Variants in EML1 observed in about 807,000 individuals in gnomAD.
EML1 encodes the protein EMAP like 1, also known as echinoderm microtubule-associated protein-like 1.
EML1 carries 27 observed loss-of-function variants against 110.4 expected under a neutral mutation model. The observed-to-expected ratio is 0.24, with a 90% CI of 0.18 to 0.34. The LOEUF is 0.34. Among genes scored for constraint, EML1 ranks in the 10% least tolerant of loss-of-function variants. The probability of loss-of-function intolerance (pLI) is 1.00; values close to 1 mark genes in which losing one functional copy is unlikely to be tolerated. For missense variants in EML1, 741 were observed against 1,030.9 expected, an observed-to-expected ratio of 0.72 and a Z score of 3.85; for synonymous variants, 344 against 385.8, an observed-to-expected ratio of 0.89 and a Z score of 1.27.
At chr14:99,919,350 T>C (rs2060087774) in intron 16 of EML1, among the ~76,000 whole-genome samples, 1 of 151,954 alleles carries the variant, frequency 6.6e-6, no homozygotes, top group African/African-American at 2.4e-5. Context: ...ATCTTAAGTA[T>C]TGGGCTCCAT....
At chr14:99,829,048 G>T (rs561200449) in intron 1 of EML1, among the ~76,000 whole-genome samples, 2 of 152,216 alleles carry the variant, frequency 1.3e-5, no homozygotes, top group African/African-American at 4.8e-5. Context: ...AAAACACAGT[G>T]TATATAGGGT....
At chr14:99,932,360 G>C (rs1470452275) in intron 17 of EML1, among the ~76,000 whole-genome samples, 1 of 152,178 alleles carries the variant, frequency 6.6e-6, no homozygotes, top group African/African-American at 2.4e-5. Context: ...TATGGGGGCC[G>C]GGCGCGGTGG....
At chr14:99,841,431 A>G (rs543307781) in intron 1 of EML1, among the ~76,000 whole-genome samples, 4 of 152,328 alleles carry the variant, frequency 2.6e-5, no homozygotes, top group Admixed American at 2.0e-4. Context: ...TCATCTTCAC[A>G]GGAACGTCAG....
At chr14:99,796,325 C>T (rs866955447) in intron 1 of EML1, among the ~76,000 whole-genome samples, 13 of 151,606 alleles carry the variant, frequency 8.6e-5, no homozygotes, top group African/African-American at 3.2e-4. Context: ...GGTGTCTCTC[C>T]TCATAATTTG....
At chr14:99,898,781 A>G (rs1046417073) in intron 8 of EML1, among the ~76,000 whole-genome samples, 10 of 151,868 alleles carry the variant, frequency 6.6e-5, no homozygotes, top group Non-Finnish European at 1.3e-4. Flanking sequence ...ACTGACTGTG[A>G]CCTTAAAAAT....
intron 17 of EML1, among the ~76,000 whole-genome samples, chr14:99,921,564 T>C (rs915258450): frequency 2.0e-5 from 3 of 152,170 alleles, no homozygotes; most frequent in Non-Finnish European, 2.9e-5. Context: ...AATGGAATAA[T>C]GAACCCCATG....
chr14:99,937,211 G>A (rs1220899154), intron 19 of EML1, among the ~76,000 whole-genome samples: 3 of 152,188 alleles, frequency 2.0e-5, no homozygotes, highest in African/African-American at 2.4e-5. Context: ...GACTGAGCTC[G>A]CTCCAGTGCG....
intron 1 of EML1, among the ~76,000 whole-genome samples, chr14:99,752,247 C>T (rs532415496): frequency 7.2e-5 from 11 of 152,076 alleles, no homozygotes; most frequent in African/African-American, 1.4e-4. Context: ...GGAGGACACT[C>T]GAAATTCCAA....
chr14:99,775,354 A>T (rs2057470507), intron 1 of EML1, among the ~76,000 whole-genome samples: 1 of 152,226 alleles, frequency 6.6e-6, no homozygotes, highest in Non-Finnish European at 1.5e-5. Flanking sequence ...GAGAAAGGGC[A>T]TATGACAGGG....
At chr14:99,769,573 T>G (rs185742028), upstream of EML1, among the ~76,000 whole-genome samples, 1 of 152,240 alleles carries the variant, frequency 6.6e-6, no homozygotes, top group African/African-American at 2.4e-5. Context: ...CAATCTGATA[T>G]CACTTCTTTC....
rs1361737646 is a variant in EML1, at chr14:99,907,534, G to A, written c.1009-104G>A. ...TGGATGAGTATTCTTTAACTACAATGTAGCAGACTCTTTATTAAAAATGAA... is the reference window on the plus strand; with the variant it reads ...TGGATGAGTATTCTTTAACTACAATATAGCAGACTCTTTATTAAAAATGAA... On this transcript the variant is annotated intron_variant, in intron 9 of 21. Transcript: ENST00000262233. 3.3e-5 allele frequency: 32 copies of A among 974,736 alleles called. No individual in the cohort carries two copies. In the Admixed American group the frequency reaches 7.3e-4, roughly 22 times the overall value. 60.4% of individuals were successfully genotyped at this position (974,736 alleles called of 1,614,324 possible). A position where few individuals can be genotyped will look rare whatever the true frequency, so the allele number is the denominator to read the frequency against.
At chr14:99,772,000 G>T (rs78346693), upstream of EML1, among the ~76,000 whole-genome samples, 392 of 152,200 alleles carry the variant, frequency 2.6e-3, 5 homozygotes, top group East Asian at 0.038. Context: ...TCAATATCTG[G>T]GTTATCTCAG....
intron 1 of EML1, among the ~76,000 whole-genome samples, chr14:99,817,947 T>G (rs1391913776): frequency 6.6e-6 from 1 of 152,144 alleles, no homozygotes; most frequent in Non-Finnish European, 1.5e-5. Flanking sequence ...GAAGTATCAC[T>G]GAGCTGAGTT....
upstream of EML1, among the ~76,000 whole-genome samples, chr14:99,770,951 A>C (rs1375704436): frequency 6.6e-6 from 1 of 151,432 alleles, no homozygotes; most frequent in Non-Finnish European, 1.5e-5. Context: ...CGCCCAGCTA[A>C]TTTTTTGTAT....
chr14:99,744,743 A>G (rs142517893), intron 1 of EML1, among the ~76,000 whole-genome samples: 2 of 152,332 alleles, frequency 1.3e-5, no homozygotes, highest in African/African-American at 4.8e-5. Context: ...ACGAAAATAA[A>G]TTTCTGAATG....
intron 1 of EML1, among the ~76,000 whole-genome samples, chr14:99,804,741 G>A (rs1238697009): frequency 6.6e-6 from 1 of 152,146 alleles, no homozygotes; most frequent in East Asian, 1.9e-4. Context: ...ATTATTGGAG[G>A]AGTCTCTGAA....
chr14:99,889,912 C>T (rs934232904), intron 4 of EML1, among the ~76,000 whole-genome samples: 1 of 152,172 alleles, frequency 6.6e-6, no homozygotes, highest in Non-Finnish European at 1.5e-5. Context: ...CACATTTGAA[C>T]AGAGTAAAAC....
In EML1 at chr14:99,807,180, C is replaced by T. The variant is rs185768584; in HGVS notation, c.67+13637C>T. On this transcript the variant is annotated intron_variant, in intron 1 of 21. Coordinates refer to ENST00000262233, the MANE Select transcript of EML1 (RefSeq NM_004434.3). ...TCTTGAGAATTAGCACAAAAGATTACGTGCATTCTTTCGTGATCCTCTGTA... is the reference window on the plus strand; with the variant it reads ...TCTTGAGAATTAGCACAAAAGATTATGTGCATTCTTTCGTGATCCTCTGTA... 1.3e-3 allele frequency among the ~76,000 whole-genome samples: 204 copies of T among 152,266 alleles called. 1 individual carries two copies. Among genetic ancestry groups the T allele is most frequent in the South Asian group, 8.3e-4 (4 of 4,824 alleles).
chr14:99,802,808 G>T (rs191919435), intron 1 of EML1, among the ~76,000 whole-genome samples: 36 of 152,176 alleles, frequency 2.4e-4, no homozygotes, highest in Admixed American at 1.2e-3. Flanking sequence ...AGATAGTAAT[G>T]GGATCCATGG....
Sources: gnomAD v4.1 joint callset for allele counts (sites outside exome capture counted in the v4.1 genomes callset) on GRCh38, gnomAD v4.1.1 for gene constraint, MANE v1.5 for transcripts, NCBI Gene and HGNC (gene_info 2026-07-23, HGNC 2026-07-21) for gene names.